ZC3H12C: variants seen among roughly 807,000 people sequenced by gnomAD.
ZC3H12C encodes the protein probable ribonuclease ZC3H12C.
In ZC3H12C, 20 loss-of-function variants were observed where a neutral mutation model predicts 76.3. That is an observed-to-expected ratio of 0.26 (90% confidence interval 0.18 to 0.38). The LOEUF (loss-of-function observed/expected upper bound fraction) is 0.38. Among genes scored for constraint, ZC3H12C ranks in the 10% least tolerant of loss-of-function variants. The pLI, the probability that ZC3H12C is intolerant of heterozygous loss-of-function variation, is 1.00. For missense variants in ZC3H12C, 874 were observed against 1,086.5 expected, an observed-to-expected ratio of 0.80 and a Z score of 2.75; for synonymous variants, 352 against 399.6, an observed-to-expected ratio of 0.88 and a Z score of 1.42.
chr11:110,154,834 T>TTAAAAAA (rs1862344807), intron 3 of ZC3H12C, among the ~76,000 whole-genome samples: 1 of 69,840 alleles, frequency 1.4e-5, no homozygotes, highest in Non-Finnish European at 2.6e-5. Flanking sequence ...ACAGCTTGAT[T>TTAAAAAA]AAAAAAAAAA....
Position 110,099,408 on chromosome 11 carries a change from TTGA to T in ZC3H12C, c.21+5983_21+5985del, listed in dbSNP as rs548416981. Among the ~76,000 whole-genome samples the T allele has an allele frequency of 1.0e-3, 156 of 152,276 alleles. 1 individual carries two copies. The highest frequency in any genetic ancestry group is 3.5e-3 in the African/African-American group (146 of 41,562). On this transcript the variant is annotated intron_variant, in intron 1 of 5. Coordinates refer to ENST00000278590, the MANE Select transcript of ZC3H12C (RefSeq NM_033390.2). ...CTTTGAAAGTGCTTGATTTCAAAGT[TTGA>T]TGATGAGCATTAATATCTCATTTTA...
chr11:110,147,498 C>T (rs955842703), intron 2 of ZC3H12C, among the ~76,000 whole-genome samples: 2 of 151,838 alleles, frequency 1.3e-5, no homozygotes, highest in Non-Finnish European at 2.9e-5. Flanking sequence ...ATACCTAATG[C>T]TCGCGGGGCT....
At chr11:110,147,788 C>T (rs1862198186) in intron 2 of ZC3H12C, among the ~76,000 whole-genome samples, 1 of 152,152 alleles carries the variant, frequency 6.6e-6, no homozygotes, top group East Asian at 1.9e-4. Flanking sequence ...AGTCTGTTAT[C>T]CAGGTTCTCA....
At position 110,137,244 on chromosome 11, in the gene ZC3H12C, A is replaced by G. The variant is rs1861982153; in HGVS notation, c.603A>G (p.Lys201=). Residue 201 remains lysine (K), a synonymous_variant, in exon 2 of 6, where the codon AAA becomes AAG. Transcript: ENST00000278590. ...LINDILGELV[K]LGNKSEADQT... is the part of the protein sequence containing the mutation. Reference sequence around the variant, plus strand: ...ATGATATTTTGGGAGAACTTGTCAAACTTGGAAATAAAAGTGAGGCTGATC... The same window carrying G: ...ATGATATTTTGGGAGAACTTGTCAAGCTTGGAAATAAAAGTGAGGCTGATC... The G allele has an allele frequency of 6.2e-7, 1 of 1,613,954 alleles. No homozygotes were observed. Among genetic ancestry groups the G allele is most frequent in the Non-Finnish European group, 8.5e-7 (1 of 1,179,870 alleles).
chr11:110,111,601 G>A (rs1358200872), intron 1 of ZC3H12C, among the ~76,000 whole-genome samples: 2 of 149,246 alleles, frequency 1.3e-5, no homozygotes, highest in South Asian at 2.2e-4. Flanking sequence ...GCACGATCAC[G>A]GCTCACTGCA....
intron 1 of ZC3H12C, among the ~76,000 whole-genome samples, chr11:110,133,545 T>C: frequency 6.6e-6 from 1 of 152,202 alleles, no homozygotes; most frequent in East Asian, 1.9e-4. Flanking sequence ...TAGGTTAGGC[T>C]TACATTTATC....
intron 3 of ZC3H12C, 49 bp from the exon 4 acceptor site, chr11:110,159,207 G>A (rs369141454): frequency 6.9e-7 from 1 of 1,439,506 alleles, no homozygotes; most frequent in Non-Finnish European, 9.6e-7. Context: ...TGCCATGTGT[G>A]TTATCTATGT....
intron 1 of ZC3H12C, among the ~76,000 whole-genome samples, chr11:110,104,061 TTCTAA>T (rs1861272461): frequency 6.6e-6 from 1 of 150,984 alleles, no homozygotes; most frequent in African/African-American, 2.4e-5. Context: ...TAGGCTCCAC[TTCTAA>T]TCTGTTACCC....
intron 1 of ZC3H12C, among the ~76,000 whole-genome samples, chr11:110,110,919 A>G (rs1245266128): frequency 6.6e-6 from 1 of 152,262 alleles, no homozygotes; most frequent in African/African-American, 2.4e-5. Context: ...AAGAAAAATC[A>G]GGAATCAGCT....
In ZC3H12C at chr11:110,095,104, T is replaced by C. The variant is rs78943023; in HGVS notation, c.21+1672T>C. On this transcript the variant is annotated intron_variant, in intron 1 of 5. Transcript: ENST00000278590. ...AAGGATAGGAAACAGAAACTTGGAATGTTTCTATACTGATGAGAGTTTTTA... is the reference window on the plus strand; with the variant it reads ...AAGGATAGGAAACAGAAACTTGGAACGTTTCTATACTGATGAGAGTTTTTA... Among the ~76,000 whole-genome samples, 263 of 152,338 alleles carry C rather than the reference T, an allele frequency of 1.7e-3. 6 individuals are homozygous for C. In the East Asian group the frequency reaches 0.042, roughly 24 times the overall value.
rs1350539775 is a variant in ZC3H12C, at chr11:110,166,289, G to A, written c.*552G>A. ...AGAAACAAAGTTATACTACAGCACT[G>A]ACTTTATATTTTAAACAGAATGTAA... On this transcript the variant is annotated 3_prime_UTR_variant, in exon 6 of 6. Transcript: ENST00000278590. 1 of 152,564 alleles carries A rather than the reference G, an allele frequency of 6.6e-6. No homozygotes were observed. Among genetic ancestry groups the A allele is most frequent in the East Asian group, 1.9e-4 (1 of 5,196 alleles). 9.5% of individuals were successfully genotyped at this position (152,564 alleles called of 1,614,324 possible). A position where few individuals can be genotyped will look rare whatever the true frequency, so the allele number is the denominator to read the frequency against.
intron 1 of ZC3H12C, among the ~76,000 whole-genome samples, chr11:110,107,837 A>G (rs1861359122): frequency 6.6e-6 from 1 of 151,198 alleles, no homozygotes; most frequent in Admixed American, 6.6e-5. Flanking sequence ...CAATTTTTCC[A>G]TTTTTTGTAG....
chr11:110,147,327 A>G (rs1862189232), intron 2 of ZC3H12C, among the ~76,000 whole-genome samples: 1 of 152,166 alleles, frequency 6.6e-6, no homozygotes, highest in Admixed American at 6.5e-5. Context: ...TTAAAAAGGC[A>G]TTTGAGTCAC....
intron 4 of ZC3H12C, among the ~76,000 whole-genome samples, chr11:110,160,363 A>T (rs891640155): frequency 6.6e-6 from 1 of 151,896 alleles, no homozygotes; most frequent in Non-Finnish European, 1.5e-5. Context: ...ACCTTGGCTT[A>T]TAACTTTTTT....
Position 110,169,339 on chromosome 11 carries a change from GGTGT to G in ZC3H12C, c.*3641_*3644del, listed in dbSNP as rs143466304. ...TGTGACAGGTGGGAGGATGGCTCTG[GGTGT>G]GTGTGTGTGTGTGTGTGTGTGTGTG... is the stretch of plus-strand genomic sequence containing the variant. On this transcript the variant is annotated 3_prime_UTR_variant, in exon 6 of 6. Transcript: ENST00000278590. 28,049 of 146,162 alleles carry G rather than the reference GGTGT, an allele frequency of 0.19. 3,048 individuals carry two copies. Among genetic ancestry groups the G allele is most frequent in the East Asian group, 0.36 (1,831 of 5,034 alleles). 9.1% of individuals were successfully genotyped at this position (146,162 alleles called of 1,614,324 possible).
rs370095232 is a variant in ZC3H12C at position 110,126,523 on chromosome 11, T to G, written c.22-10140T>G. Among the ~76,000 whole-genome samples, 14 of 152,156 alleles carry G rather than the reference T, an allele frequency of 9.2e-5. No individual in the cohort carries two copies. In the South Asian group the frequency reaches 2.9e-3, roughly 31 times the overall value. On this transcript the variant is annotated intron_variant, in intron 1 of 5. Coordinates refer to ENST00000278590, the MANE Select transcript of ZC3H12C (RefSeq NM_033390.2). ...GTGTGAGCCACTGCACCCAGTTGTTTTTCTTTCTTATTATTAAAATACCAA... is the reference window on the plus strand; with the variant it reads ...GTGTGAGCCACTGCACCCAGTTGTTGTTCTTTCTTATTATTAAAATACCAA...
chr11:110,113,017 TA>T (rs370974277), intron 1 of ZC3H12C, among the ~76,000 whole-genome samples: 4,938 of 151,814 alleles, frequency 0.033, 162 homozygotes, highest in East Asian at 0.087. Flanking sequence ...AAAAAAGATT[TA>T]AAAAAAAGTC....
chr11:110,158,708 C>T (rs1289920668), intron 3 of ZC3H12C, among the ~76,000 whole-genome samples: 1 of 152,188 alleles, frequency 6.6e-6, no homozygotes, highest in Non-Finnish European at 1.5e-5. Flanking sequence ...ACACTTGTGA[C>T]CTCACTGCCT....
chr11:110,165,056 G>A lies in ZC3H12C; in HGVS notation c.1971G>A (p.Glu657=). 1 of 1,613,804 alleles carries A rather than the reference G, an allele frequency of 6.2e-7. No homozygotes were observed. The highest frequency in any genetic ancestry group is 8.5e-7 in the Non-Finnish European group (1 of 1,179,896). Residue 657 remains glutamate, a synonymous_variant, in exon 6 of 6, where the codon GAG becomes GAA. Transcript: ENST00000278590. ...SYVSSPDPQL[E]ENLKCQHMHP... ...TCAGCTCCCCCGACCCACAGCTAGA[G>A]GAGAATTTGAAGTGTCAACACATGC...
Sources: allele counts gnomAD v4.1 joint callset (sites outside exome capture counted in the v4.1 genomes callset), GRCh38; gene constraint gnomAD v4.1.1; transcripts MANE v1.5; gene names NCBI Gene and HGNC (gene_info 2026-07-23, HGNC 2026-07-21).